Variants in RORA observed in about 807,000 individuals in gnomAD.
RORA encodes the protein nuclear receptor ROR-alpha.
RORA carries 7 observed loss-of-function variants against 69.5 expected under a neutral mutation model. That is an observed-to-expected ratio of 0.10 (90% CI 0.06 to 0.19). RORA has a LOEUF of 0.19. Ranked by LOEUF, RORA falls within the 10% of genes least tolerant of loss-of-function variation. RORA has a pLI of 1.00. For missense variants in RORA, 457 were observed against 663.0 expected, an observed-to-expected ratio of 0.69 and a Z score of 3.41; for synonymous variants, 261 against 240.8, an observed-to-expected ratio of 1.08 and a Z score of -0.78.
Position 61,068,084 on chromosome 15 carries a change from T to C in RORA, c.166+160969A>G, listed in dbSNP as rs531278971. Among the ~76,000 whole-genome samples, 8 of 152,346 alleles carry C rather than the reference T, an allele frequency of 5.3e-5. No homozygotes were observed. In the South Asian group the frequency reaches 1.7e-3, roughly 32 times the overall value. ...ATATTTGGAGAAATGTCTGAAATGATTTATAAGCCCATTTTCTAGGTTATC... is the reference window on the plus strand; with the variant it reads ...ATATTTGGAGAAATGTCTGAAATGACTTATAAGCCCATTTTCTAGGTTATC... On this transcript the variant is annotated intron_variant, in intron 1 of 10. Coordinates refer to ENST00000335670, the MANE Select transcript of RORA (RefSeq NM_134261.3).
intron 1 of RORA, among the ~76,000 whole-genome samples, chr15:61,130,703 T>A (rs1329606030): frequency 6.6e-6 from 1 of 152,188 alleles, no homozygotes; most frequent in African/African-American, 2.4e-5. Flanking sequence ...TTTAGCACAG[T>A]ACTTGGAGCA....
intron 2 of RORA, among the ~76,000 whole-genome samples, chr15:60,570,653 G>T (rs144002538): frequency 6.6e-6 from 1 of 152,212 alleles, no homozygotes; most frequent in Non-Finnish European, 1.5e-5. Flanking sequence ...CCTGGCCCAT[G>T]GACAGTTTTA....
chr15:60,881,894 A>G (rs1314517521), intron 1 of RORA, among the ~76,000 whole-genome samples: 1 of 152,274 alleles, frequency 6.6e-6, no homozygotes, highest in East Asian at 1.9e-4. Context: ...TACAAAAAGA[A>G]CCCATTCAAT....
intron 1 of RORA, among the ~76,000 whole-genome samples, chr15:60,853,666 T>C (rs565794557): frequency 6.6e-6 from 1 of 152,306 alleles, no homozygotes; most frequent in South Asian, 2.1e-4. Flanking sequence ...GCCATGTGGT[T>C]CCATTAATAT....
At chr15:60,585,875 T>G (rs2068320396) in intron 2 of RORA, among the ~76,000 whole-genome samples, 3 of 152,130 alleles carry the variant, frequency 2.0e-5, no homozygotes, top group Non-Finnish European at 2.9e-5. Flanking sequence ...AATGTCTCAT[T>G]CCAATTAAGA....
chr15:60,516,019 ATT>A (rs2065888245), intron 3 of RORA, among the ~76,000 whole-genome samples: 8 of 9,702 alleles, frequency 8.2e-4, no homozygotes, highest in Non-Finnish European at 1.3e-3. Flanking sequence ...ATTTATATAT[ATT>A]TATATATTTA....
chr15:60,830,982 A>T (rs2073034969), intron 1 of RORA, among the ~76,000 whole-genome samples: 1 of 152,146 alleles, frequency 6.6e-6, no homozygotes, highest in South Asian at 2.1e-4. Context: ...CATCAAAAAG[A>T]GAAACCCCAA....
At chr15:61,224,097 T>C (rs2080124367) in intron 1 of RORA, among the ~76,000 whole-genome samples, 1 of 152,082 alleles carries the variant, frequency 6.6e-6, no homozygotes. Context: ...ATAATCTTCA[T>C]ATTCAGAAAA....
chr15:60,992,130 A>G (rs762824693), intron 1 of RORA, among the ~76,000 whole-genome samples: 2 of 152,178 alleles, frequency 1.3e-5, no homozygotes, highest in African/African-American at 2.4e-5. Context: ...TTATTGTATT[A>G]ATAAACACCA....
chr15:60,503,243 A>G (rs2065386000), intron 7 of RORA, among the ~76,000 whole-genome samples: 1 of 152,198 alleles, frequency 6.6e-6, no homozygotes, highest in Non-Finnish European at 1.5e-5. Flanking sequence ...TCCTAACATC[A>G]TAAACTCGGA....
At chr15:60,832,369 T>C (rs2073053650) in intron 1 of RORA, among the ~76,000 whole-genome samples, 1 of 152,136 alleles carries the variant, frequency 6.6e-6, no homozygotes, top group Non-Finnish European at 1.5e-5. Context: ...AACTGGGATA[T>C]TAGTCACCTA....
intron 1 of RORA, among the ~76,000 whole-genome samples, chr15:60,949,557 C>G (rs1272343288): frequency 6.6e-6 from 1 of 152,196 alleles, no homozygotes; most frequent in Non-Finnish European, 1.5e-5. Flanking sequence ...CACTTCTGCT[C>G]CAATTGTCGT....
chr15:60,865,802 C>T (rs992764926), intron 1 of RORA, among the ~76,000 whole-genome samples: 1 of 152,088 alleles, frequency 6.6e-6, no homozygotes, highest in Non-Finnish European at 1.5e-5. Context: ...ACACTCATAC[C>T]ATTTATATTT....
intron 1 of RORA, among the ~76,000 whole-genome samples, chr15:60,850,004 A>C (rs2073306808): frequency 6.6e-6 from 1 of 152,186 alleles, no homozygotes; most frequent in Admixed American, 6.5e-5. Context: ...GACTCCCTGG[A>C]AAGATGCAGG....
chr15:60,525,878 G>A (rs146673096), intron 3 of RORA, among the ~76,000 whole-genome samples: 340 of 152,238 alleles, frequency 2.2e-3, no homozygotes, highest in African/African-American at 7.6e-3. Context: ...GGGTGAGAAG[G>A]AAGAAATATC....
chr15:61,220,558 G>A (rs1278907075), intron 1 of RORA, among the ~76,000 whole-genome samples: 4 of 152,162 alleles, frequency 2.6e-5, no homozygotes, highest in Non-Finnish European at 5.9e-5. Context: ...CTGGAAGGGC[G>A]GAATCACATC....
chr15:60,792,463 C>T (rs2072431450), intron 1 of RORA, among the ~76,000 whole-genome samples: 1 of 152,152 alleles, frequency 6.6e-6, no homozygotes, highest in Non-Finnish European at 1.5e-5. Flanking sequence ...AAACTCCGCA[C>T]ATCCTAAGCA....
intron 1 of RORA, among the ~76,000 whole-genome samples, chr15:61,104,993 G>GT (rs767784004): frequency 1.4e-5 from 2 of 140,820 alleles, no homozygotes; most frequent in East Asian, 2.0e-4. Flanking sequence ...TGATCATGAG[G>GT]CGCCCCCCCC....
chr15:61,092,516 C>A (rs932338977), intron 1 of RORA, among the ~76,000 whole-genome samples: 1 of 152,056 alleles, frequency 6.6e-6, no homozygotes, highest in Non-Finnish European at 1.5e-5. Flanking sequence ...GAATCTAAAC[C>A]CACAAAGAAT....
Sources: gnomAD v4.1 joint callset for allele counts (sites outside exome capture counted in the v4.1 genomes callset) on GRCh38, gnomAD v4.1.1 for gene constraint, MANE v1.5 for transcripts, NCBI Gene and HGNC (gene_info 2026-07-23, HGNC 2026-07-21) for gene names.